The following PTPRT variants were observed in gnomAD, a reference collection of about 807,000 sequenced individuals.
PTPRT encodes receptor-type tyrosine-protein phosphatase T.
PTPRT carries 56 observed loss-of-function variants against 176.8 expected under a neutral mutation model. The ratio of observed to expected loss-of-function variants is 0.32; its 90% confidence interval spans 0.26 to 0.40. The LOEUF (loss-of-function observed/expected upper bound fraction) is 0.40. Among genes scored for constraint, PTPRT ranks in the 10% least tolerant of loss-of-function variants. The pLI is 1.00. For missense variants in PTPRT, 1,540 were observed against 1,908.2 expected, an observed-to-expected ratio of 0.81 and a Z score of 3.60; for synonymous variants, 783 against 739.0, an observed-to-expected ratio of 1.06 and a Z score of -0.96.
chr20:42,845,943 C>G (rs1457621425), intron 2 of PTPRT, among the ~76,000 whole-genome samples: 1 of 152,132 alleles, frequency 6.6e-6, no homozygotes, highest in African/African-American at 2.4e-5. Flanking sequence ...GACAGCCACA[C>G]CTACTTGGCC....
At chr20:43,087,298 A>T (rs2011634312) in intron 1 of PTPRT, among the ~76,000 whole-genome samples, 1 of 149,560 alleles carries the variant, frequency 6.7e-6, no homozygotes, top group Non-Finnish European at 1.5e-5. Context: ...TTGAACCGAG[A>T]CTTCAAAATG....
intron 9 of PTPRT, among the ~76,000 whole-genome samples, chr20:42,430,287 C>T (rs2059204350): frequency 6.6e-6 from 1 of 152,162 alleles, no homozygotes; most frequent in Admixed American, 6.5e-5. Context: ...ACTGAGGCTC[C>T]AGTAAATGTT....
intron 12 of PTPRT, among the ~76,000 whole-genome samples, chr20:42,305,508 TAC>T (rs2057533297): frequency 6.6e-6 from 1 of 151,812 alleles, no homozygotes; most frequent in East Asian, 1.9e-4. Flanking sequence ...TCATAAAATT[TAC>T]AGTTAAAAAT....
intron 27 of PTPRT, among the ~76,000 whole-genome samples, chr20:42,087,336 T>C (rs1189326843): frequency 1.3e-5 from 2 of 152,038 alleles, no homozygotes; most frequent in Non-Finnish European, 2.9e-5. Context: ...GTTCAAGTGG[T>C]TCTCCTGCCT....
chr20:42,764,345 A>G (rs1196815702), intron 5 of PTPRT, among the ~76,000 whole-genome samples: 1 of 152,140 alleles, frequency 6.6e-6, no homozygotes. Flanking sequence ...GAAGGCAACT[A>G]GGGGGTGGGG....
At chr20:42,808,672 A>G (rs2077649580) in intron 2 of PTPRT, among the ~76,000 whole-genome samples, 2 of 152,202 alleles carry the variant, frequency 1.3e-5, no homozygotes, top group Non-Finnish European at 2.9e-5. Context: ...TCTAAAAAAC[A>G]GGAGCTAATC....
chr20:42,259,782 A>G (rs1263021830), intron 13 of PTPRT, among the ~76,000 whole-genome samples: 1 of 152,224 alleles, frequency 6.6e-6, no homozygotes, highest in Non-Finnish European at 1.5e-5. Context: ...GTCTGCATCC[A>G]TGGTGGGGTC....
chr20:42,163,466 A>G (rs1989696883), intron 16 of PTPRT, among the ~76,000 whole-genome samples: 1 of 152,214 alleles, frequency 6.6e-6, no homozygotes, highest in South Asian at 2.1e-4. Context: ...GTTCACTGGC[A>G]TTGCTTAAAT....
intron 6 of PTPRT, among the ~76,000 whole-genome samples, chr20:42,726,913 A>G (rs1009752002): frequency 2.6e-5 from 4 of 152,206 alleles, no homozygotes; most frequent in East Asian, 1.9e-4. Flanking sequence ...TACCTCATTC[A>G]TCCTGCTGAG....
At chr20:42,276,547 A>T (rs192217555) in intron 13 of PTPRT, among the ~76,000 whole-genome samples, 13 of 73,834 alleles carry the variant, frequency 1.8e-4, no homozygotes, top group African/African-American at 3.8e-4. Flanking sequence ...ATATATATAT[A>T]TATATATATA....
At chr20:42,330,666 T>C (rs889094720) in intron 11 of PTPRT, among the ~76,000 whole-genome samples, 1 of 152,090 alleles carries the variant, frequency 6.6e-6, no homozygotes, top group Non-Finnish European at 1.5e-5. Flanking sequence ...TGAGCTATGA[T>C]CACGCCACTG....
intron 7 of PTPRT, among the ~76,000 whole-genome samples, chr20:42,592,474 G>A (rs1316041663): frequency 6.6e-6 from 1 of 152,162 alleles, no homozygotes; most frequent in Non-Finnish European, 1.5e-5. Context: ...CAGGATACTG[G>A]GCCATAGGCC....
At chr20:42,118,882 A>G (rs933151622) in intron 20 of PTPRT, among the ~76,000 whole-genome samples, 9 of 152,112 alleles carry the variant, frequency 5.9e-5, no homozygotes, top group Non-Finnish European at 8.8e-5. Context: ...CATGAGAGAC[A>G]GGAAGGCAAC....
At position 42,921,190 on chromosome 20, in the gene PTPRT, G is replaced by A. The variant is rs561010789; in HGVS notation, c.89-35258C>T. Reference sequence around the variant, plus strand: ...ATTCTATCAGTGATGGTACAAGAGCGATGGAATTAGGGGATTATTTTCATC... The same window carrying A: ...ATTCTATCAGTGATGGTACAAGAGCAATGGAATTAGGGGATTATTTTCATC... On this transcript the variant is annotated intron_variant, in intron 1 of 30. Transcript: ENST00000373187. Among the ~76,000 whole-genome samples the A allele has an allele frequency of 8.5e-5, 13 of 152,300 alleles. No homozygotes were observed. The East Asian group carries it at 1.9e-3, about 23-fold the overall frequency.
chr20:42,270,503 G>A (rs754840189), intron 13 of PTPRT: 5 of 1,507,374 alleles, frequency 3.3e-6, no homozygotes, highest in Non-Finnish European at 4.5e-6. Flanking sequence ...GAGAAGGAGA[G>A]AAAGAAACAC....
At chr20:42,754,548 G>C (rs1324233180) in intron 6 of PTPRT, among the ~76,000 whole-genome samples, 1 of 152,214 alleles carries the variant, frequency 6.6e-6, no homozygotes, top group Non-Finnish European at 1.5e-5. Context: ...CTCCCAAACT[G>C]TTGGGATGAC....
chr20:42,214,330 G>A (rs985099305), intron 15 of PTPRT, among the ~76,000 whole-genome samples: 9 of 152,034 alleles, frequency 5.9e-5, no homozygotes, highest in African/African-American at 1.7e-4. Flanking sequence ...AGACAGCTGC[G>A]GCCAGAAAAC....
At chr20:42,846,351 C>CA (rs75911075) in intron 2 of PTPRT, among the ~76,000 whole-genome samples, 25,946 of 152,060 alleles carry the variant, frequency 0.17, 2,263 homozygotes, top group Admixed American at 0.22. Context: ...GAGAGCTCAG[C>CA]AAAATGCATC....
chr20:42,901,970 C>A (rs1426714944), intron 1 of PTPRT, among the ~76,000 whole-genome samples: 2 of 152,140 alleles, frequency 1.3e-5, no homozygotes, highest in African/African-American at 4.8e-5. Context: ...GTGATGGAGA[C>A]CACATGGTCT....
Sources: allele counts gnomAD v4.1 joint callset (sites outside exome capture counted in the v4.1 genomes callset), GRCh38; gene constraint gnomAD v4.1.1; transcripts MANE v1.5; gene names NCBI Gene and HGNC (gene_info 2026-07-23, HGNC 2026-07-21).